PTPRD: variants seen among roughly 807,000 people sequenced by gnomAD.
PTPRD encodes the protein receptor-type tyrosine-protein phosphatase delta.
PTPRD carries 34 observed loss-of-function variants against 214.5 expected under a neutral mutation model. That is an observed-to-expected ratio of 0.16 (90% confidence interval 0.12 to 0.21). The LOEUF (loss-of-function observed/expected upper bound fraction) is 0.21, where lower values mean the gene tolerates loss of function less well. Among genes scored for constraint, PTPRD ranks in the 10% least tolerant of loss-of-function variants. PTPRD has a pLI of 1.00. For missense variants in PTPRD, 2,545 were observed against 2,398.7 expected (o/e 1.06, Z -1.27); for synonymous variants, 1,128 against 845.7 (o/e 1.33, Z -5.79).
chr9:9,679,254 CA>C (rs1413423485), intron 7 of PTPRD, among the ~76,000 whole-genome samples: 4 of 151,534 alleles, frequency 2.6e-5, no homozygotes, highest in African/African-American at 9.7e-5. Flanking sequence ...CTCCTTCCCC[CA>C]CTCCCTTCAC....
At position 8,786,317 on chromosome 9, in the gene PTPRD, C is replaced by T. The variant is rs558366655; in HGVS notation, c.-103-52371G>A. Among the ~76,000 whole-genome samples the T allele has an allele frequency of 4.0e-5, 6 of 151,574 alleles. No individual in the cohort carries two copies. The South Asian group carries it at 1.3e-3, about 32-fold the overall frequency. Reference sequence around the variant, plus strand: ...AACAATTACTGAAGTGTGTTCAATGCCGTGGTTATTTCTATTTTTGCAGGT... The same window carrying T: ...AACAATTACTGAAGTGTGTTCAATGTCGTGGTTATTTCTATTTTTGCAGGT... On this transcript the variant is annotated intron_variant, in intron 11 of 45. Coordinates refer to ENST00000381196, the MANE Select transcript of PTPRD (RefSeq NM_002839.4).
In PTPRD at chr9:9,946,340, C is replaced by G. The variant is rs77594045; in HGVS notation, c.-471-7730G>C. Among the ~76,000 whole-genome samples, 370 of 152,200 alleles carry G rather than the reference C, an allele frequency of 2.4e-3. 3 individuals are homozygous for G. Among genetic ancestry groups the G allele is most frequent in the African/African-American group, 8.3e-3 (344 of 41,510 alleles). On this transcript the variant is annotated intron_variant, in intron 4 of 45. Transcript: ENST00000381196. ...ATTAATCATGTTACAATAAGTATAA[C>G]TGAGAGATGCACAAAGCACTACATA...
intron 10 of PTPRD, among the ~76,000 whole-genome samples, chr9:9,058,870 C>A (rs917425533): frequency 6.6e-6 from 1 of 151,992 alleles, no homozygotes; most frequent in East Asian, 1.9e-4. Flanking sequence ...AATGTAATTC[C>A]TCTGAAGATG....
At chr9:10,272,101 A>G (rs531542365) in intron 3 of PTPRD, among the ~76,000 whole-genome samples, 1 of 152,022 alleles carries the variant, frequency 6.6e-6, no homozygotes, top group Non-Finnish European at 1.5e-5. Context: ...ATTTCCCCCT[A>G]ATCCCTTCCC....
intron 5 of PTPRD, among the ~76,000 whole-genome samples, chr9:9,851,672 T>C (rs2060575380): frequency 6.6e-6 from 1 of 152,176 alleles, no homozygotes; most frequent in Non-Finnish European, 1.5e-5. Context: ...CCCCATTATG[T>C]GGGAAGCTGA....
At chr9:9,691,511 A>G (rs1331949518) in intron 7 of PTPRD, among the ~76,000 whole-genome samples, 1 of 151,964 alleles carries the variant, frequency 6.6e-6, no homozygotes, top group East Asian at 1.9e-4. Flanking sequence ...TGGAAGTGCT[A>G]TGTGTTCTTT....
chr9:10,082,834 C>CACAA (rs772475512), intron 3 of PTPRD, among the ~76,000 whole-genome samples: 162 of 94,572 alleles, frequency 1.7e-3, no homozygotes, highest in Non-Finnish European at 3.4e-3. Flanking sequence ...CACACACACA[C>CACAA]ACACAAACAC....
intron 21 of PTPRD, among the ~76,000 whole-genome samples, chr9:8,507,850 GC>G (rs1301570616): frequency 1.3e-5 from 2 of 152,094 alleles, no homozygotes; most frequent in African/African-American, 4.8e-5. Flanking sequence ...TTACTCTCTA[GC>G]ACTACATGTA....
intron 13 of PTPRD, among the ~76,000 whole-genome samples, chr9:8,635,616 T>C (rs1209103830): frequency 1.3e-5 from 2 of 152,080 alleles, no homozygotes; most frequent in Non-Finnish European, 2.9e-5. Flanking sequence ...TGAAAATAAG[T>C]AAAATAAAAT....
At chr9:9,452,940 A>C (rs1183199852) in intron 8 of PTPRD, among the ~76,000 whole-genome samples, 1 of 151,124 alleles carries the variant, frequency 6.6e-6, no homozygotes, top group African/African-American at 2.4e-5. Context: ...TAACATTAAA[A>C]CTCCCTCTTT....
chr9:10,058,159 G>A (rs1009896598), intron 3 of PTPRD, among the ~76,000 whole-genome samples: 2 of 151,830 alleles, frequency 1.3e-5, no homozygotes, highest in Non-Finnish European at 2.9e-5. Context: ...CATTACCTTC[G>A]TTCTAGTGAT....
chr9:9,930,215 G>C (rs1424354824), intron 5 of PTPRD, among the ~76,000 whole-genome samples: 1 of 152,128 alleles, frequency 6.6e-6, no homozygotes, highest in Non-Finnish European at 1.5e-5. Flanking sequence ...CAGTTCATTT[G>C]GTATGTTGAT....
At chr9:9,699,817 A>G (rs1464480971) in intron 7 of PTPRD, among the ~76,000 whole-genome samples, 3 of 152,214 alleles carry the variant, frequency 2.0e-5, no homozygotes, top group African/African-American at 4.8e-5. Context: ...CAGAACAATT[A>G]GTCTGTCTAG....
chr9:9,453,721 A>G (rs10977767), intron 8 of PTPRD, among the ~76,000 whole-genome samples: 24,997 of 151,718 alleles, frequency 0.16, 2,271 homozygotes, highest in Middle Eastern at 0.29. Context: ...TAAAAGGTAA[A>G]TTGCTTTAAA....
chr9:9,624,936 C>CATTTGG (rs1217781171), intron 7 of PTPRD, among the ~76,000 whole-genome samples: 1 of 151,744 alleles, frequency 6.6e-6, no homozygotes, highest in East Asian at 1.9e-4. Context: ...TTTTCTTTAA[C>CATTTGG]ATTTGGTCAA....
At chr9:8,679,425 A>C (rs542782438) in intron 12 of PTPRD, among the ~76,000 whole-genome samples, 1 of 152,294 alleles carries the variant, frequency 6.6e-6, no homozygotes, top group East Asian at 1.9e-4. Flanking sequence ...ATTCACTGTG[A>C]TTATCTTTGC....
chr9:8,588,892 T>C (rs920113140), intron 14 of PTPRD, among the ~76,000 whole-genome samples: 6 of 152,172 alleles, frequency 3.9e-5, no homozygotes, highest in Non-Finnish European at 8.8e-5. Flanking sequence ...ATAGAGATTC[T>C]TGGACCATAT....
intron 12 of PTPRD, among the ~76,000 whole-genome samples, chr9:8,679,109 C>A (rs67813685): frequency 0.015 from 2,283 of 152,180 alleles, 21 homozygotes; most frequent in African/African-American, 0.017. Context: ...GGAATAGCAA[C>A]CATTAGCCTC....
intron 11 of PTPRD, among the ~76,000 whole-genome samples, chr9:8,930,026 A>G (rs912160810): frequency 6.6e-6 from 1 of 151,750 alleles, no homozygotes; most frequent in African/African-American, 2.4e-5. Context: ...TTTGTTACAT[A>G]TGTATACATG....
Sources: allele counts gnomAD v4.1 joint callset (sites outside exome capture counted in the v4.1 genomes callset), GRCh38; gene constraint gnomAD v4.1.1; transcripts MANE v1.5; gene names NCBI Gene and HGNC (gene_info 2026-07-23, HGNC 2026-07-21).